CDK14: variants seen among roughly 807,000 people sequenced by gnomAD.
CDK14 encodes cyclin-dependent kinase 14.
In CDK14, 34 loss-of-function variants were observed where a neutral mutation model predicts 60.7. That is an observed-to-expected ratio of 0.56 (90% CI 0.43 to 0.75). CDK14 has a LOEUF of 0.75. Ranked by LOEUF, CDK14 falls within the 30% of genes least tolerant of loss-of-function variation. CDK14 has a pLI of 0.00. For synonymous variants in CDK14, 197 were observed against 203.7 expected (o/e 0.97, Z 0.28); for missense variants, 482 against 564.1 (o/e 0.85, Z 1.47).
At chr7:90,757,950 T>C (rs1322563319) in intron 4 of CDK14, among the ~76,000 whole-genome samples, 3 of 152,194 alleles carry the variant, frequency 2.0e-5, no homozygotes, top group Admixed American at 6.5e-5. Flanking sequence ...AGGCATAGTT[T>C]AGAAGCTTGA....
chr7:91,020,411 G>A (rs1796403646), intron 10 of CDK14, among the ~76,000 whole-genome samples: 1 of 152,096 alleles, frequency 6.6e-6, no homozygotes, highest in Non-Finnish European at 1.5e-5. Context: ...TAGGTAATGA[G>A]AATACAGCAT....
chr7:90,762,082 A>G lies in CDK14; in HGVS notation c.464+14307A>G, dbSNP rs1804338820. ...ATATTTGCATAAGAGAGGGGTATAGATAGTAAATATACATTGGATGGATGG... is the reference window on the plus strand; with the variant it reads ...ATATTTGCATAAGAGAGGGGTATAGGTAGTAAATATACATTGGATGGATGG... On this transcript the variant is annotated intron_variant, in intron 4 of 14. Transcript: ENST00000380050. Among the ~76,000 whole-genome samples the G allele has an allele frequency of 2.6e-5, 4 of 152,296 alleles. No individual in the cohort carries two copies. In the South Asian group the frequency reaches 8.3e-4, roughly 32 times the overall value.
chr7:90,598,414 A>T (rs1446177867), intron 1 of CDK14, among the ~76,000 whole-genome samples: 1 of 152,218 alleles, frequency 6.6e-6, no homozygotes, highest in Non-Finnish European at 1.5e-5. Context: ...AACTCTTGTT[A>T]AAATGTCTTC....
intron 14 of CDK14, among the ~76,000 whole-genome samples, chr7:91,178,908 C>T (rs1057074597): frequency 5.3e-5 from 8 of 152,070 alleles, no homozygotes; most frequent in African/African-American, 1.9e-4. Flanking sequence ...GGCGATTCCT[C>T]AGGGATCTAG....
intron 5 of CDK14, among the ~76,000 whole-genome samples, chr7:90,862,910 T>G (rs1433280616): frequency 6.6e-6 from 1 of 152,170 alleles, no homozygotes; most frequent in African/African-American, 2.4e-5. Flanking sequence ...CCAGGCACTG[T>G]GTTATACACC....
chr7:90,871,114 T>C (rs147893698), intron 6 of CDK14, among the ~76,000 whole-genome samples: 1 of 152,140 alleles, frequency 6.6e-6, no homozygotes, highest in Non-Finnish European at 1.5e-5. Flanking sequence ...GATATTTTTA[T>C]TAATGACTCA....
chr7:90,904,166 C>T (rs1792616768), intron 7 of CDK14, among the ~76,000 whole-genome samples: 1 of 152,000 alleles, frequency 6.6e-6, no homozygotes, highest in African/African-American at 2.4e-5. Flanking sequence ...CAGGACTTGG[C>T]ATGGAGAGCT....
At chr7:91,091,501 T>TTATTTATATATATATATATATATA (rs1798822441) in intron 12 of CDK14, among the ~76,000 whole-genome samples, 1 of 88,972 alleles carries the variant, frequency 1.1e-5, no homozygotes, top group African/African-American at 4.3e-5. Flanking sequence ...TTTATATATT[T>TTATTTATATATATATATATATATA]TATATATATA....
At chr7:91,138,220 T>C (rs1011319820) in intron 14 of CDK14, among the ~76,000 whole-genome samples, 2 of 152,240 alleles carry the variant, frequency 1.3e-5, no homozygotes, top group Admixed American at 6.5e-5. Flanking sequence ...TGCAATTCTG[T>C]ATGAAGGCTT....
chr7:91,140,550 T>C (rs1394317751), intron 14 of CDK14, among the ~76,000 whole-genome samples: 1 of 152,176 alleles, frequency 6.6e-6, no homozygotes, highest in Non-Finnish European at 1.5e-5. Context: ...TACAGGCAGC[T>C]CTAACTCGGG....
chr7:90,722,628 T>TTC, intron 2 of CDK14, among the ~76,000 whole-genome samples: 1 of 151,834 alleles, frequency 6.6e-6, no homozygotes, highest in African/African-American at 2.4e-5. Flanking sequence ...AATTTTTTTT[T>TTC]TCTCAAAAAT....
At chr7:90,723,512 T>C (rs1285605444) in intron 2 of CDK14, among the ~76,000 whole-genome samples, 1 of 152,162 alleles carries the variant, frequency 6.6e-6, no homozygotes, top group Admixed American at 6.6e-5. Flanking sequence ...TAAGAGGGGA[T>C]ACTCAAGGCA....
At chr7:90,811,224 A>G (rs1562781346) in intron 5 of CDK14, among the ~76,000 whole-genome samples, 2 of 152,302 alleles carry the variant, frequency 1.3e-5, no homozygotes, top group East Asian at 3.9e-4. Context: ...CTATACTACA[A>G]GGCTACAGTA....
intron 10 of CDK14, among the ~76,000 whole-genome samples, chr7:91,034,954 A>ACG (rs1200294063): frequency 2.0e-5 from 3 of 151,212 alleles, no homozygotes; most frequent in Non-Finnish European, 4.4e-5. Context: ...ATACACACAC[A>ACG]CACACACACA....
chr7:90,864,089 A>G (rs1157770412), intron 6 of CDK14, among the ~76,000 whole-genome samples: 1 of 151,934 alleles, frequency 6.6e-6, no homozygotes, highest in African/African-American at 2.4e-5. Flanking sequence ...TAATTACCAC[A>G]CTACTTTTTA....
At chr7:90,907,687 A>C (rs1009426412) in intron 7 of CDK14, among the ~76,000 whole-genome samples, 1 of 152,140 alleles carries the variant, frequency 6.6e-6, no homozygotes, top group African/African-American at 2.4e-5. Flanking sequence ...AAGTATCCGC[A>C]ATCCTATTGG....
intron 14 of CDK14, 88 bp downstream of exon 14, chr7:91,118,296 C>A: frequency 1.6e-6 from 1 of 632,454 alleles, no homozygotes; most frequent in Non-Finnish European, 2.8e-6. Flanking sequence ...CGTTTTTTCA[C>A]CAACTATCCT....
At chr7:91,191,269 A>G (rs1027177263) in intron 14 of CDK14, among the ~76,000 whole-genome samples, 3 of 152,134 alleles carry the variant, frequency 2.0e-5, no homozygotes, top group African/African-American at 7.2e-5. Flanking sequence ...TTCATACACC[A>G]CTGAAACAAT....
intron 2 of CDK14, among the ~76,000 whole-genome samples, chr7:90,683,896 A>ACG (rs912179503): frequency 9.1e-6 from 1 of 110,382 alleles, no homozygotes; most frequent in African/African-American, 3.6e-5. Context: ...TAGAAAATGT[A>ACG]CGTGTGTGTG....
Sources: allele counts gnomAD v4.1 joint callset (sites outside exome capture counted in the v4.1 genomes callset), GRCh38; gene constraint gnomAD v4.1.1; transcripts MANE v1.5; gene names NCBI Gene and HGNC (gene_info 2026-07-23, HGNC 2026-07-21).